Variants in ADPGK observed in about 807,000 individuals in gnomAD.
ADPGK encodes ADP dependent glucokinase.
ADPGK carries 26 observed loss-of-function variants against 42.4 expected under a neutral mutation model. The observed-to-expected ratio is 0.61, with a 90% CI of 0.45 to 0.85. ADPGK has a LOEUF of 0.85. Among genes scored for constraint, ADPGK ranks in the 40% least tolerant of loss-of-function variants. The pLI is 0.00. For missense variants in ADPGK, 571 were observed against 627.0 expected (o/e 0.91, Z 0.95); for synonymous variants, 267 against 252.6 (o/e 1.06, Z -0.54).
At chr15:72,760,640 T>C (rs2066180978) in intron 3 of ADPGK, 113 bp from the exon 4 acceptor site, 1 of 1,338,330 alleles carries the variant, frequency 7.5e-7, no homozygotes, top group Non-Finnish European at 9.8e-7. Context: ...CAACAAAATA[T>C]TGGAATCCAA....
chr15:72,764,428 A>T (rs1595795319), intron 3 of ADPGK, among the ~76,000 whole-genome samples: 1 of 152,362 alleles, frequency 6.6e-6, no homozygotes, highest in East Asian at 1.9e-4. Context: ...AATCCAGAGC[A>T]ATGTCCTAAC....
intron 1 of ADPGK, among the ~76,000 whole-genome samples, chr15:72,776,672 A>G (rs997447576): frequency 4.6e-5 from 7 of 152,312 alleles, no homozygotes; most frequent in East Asian, 1.9e-4. Context: ...TGCAGACTAG[A>G]TATTATTTAC....
chr15:72,761,801 C>T (rs1435819218), intron 3 of ADPGK, among the ~76,000 whole-genome samples: 1 of 151,762 alleles, frequency 6.6e-6, no homozygotes, highest in Non-Finnish European at 1.5e-5. Context: ...CAGGCTCAAG[C>T]GACCCTCCTG....
chr15:72,760,453 T>C lies in ADPGK; in HGVS notation c.597A>G (p.Ser199=), dbSNP rs2066177704. ...GGTGGAACTCATCCACTTCCTGCAA[T>C]GACTCTGGTGGAACAAAGACATTGT... ...LDDNVFVPPE[S]LQEVDEFHLI... Residue 199 remains serine, a synonymous_variant, in exon 4 of 7, where the codon TCA becomes TCG. Transcript: ENST00000456471. The C allele has an allele frequency of 6.2e-7, 1 of 1,610,844 alleles. No homozygotes were observed. Among genetic ancestry groups the C allele is most frequent in the Non-Finnish European group, 8.5e-7 (1 of 1,177,556 alleles).
intron 4 of ADPGK, 140 bp downstream of exon 4, chr15:72,760,267 A>G (rs775889795): frequency 5.5e-5 from 61 of 1,117,368 alleles, no homozygotes; most frequent in Non-Finnish European, 7.2e-5. Flanking sequence ...AGTAGAACCA[A>G]TAGGTCAGGA....
At position 72,760,542 on chromosome 15, in the gene ADPGK, C is replaced by A; in HGVS notation, c.523-15G>T. The stretch of plus-strand genomic sequence containing the variant: ...CAAAGAAGAACCTGGAGGCAAGCAA[C>A]ACGAAGTCCATCAGGAGCCCCGTTC... On this transcript the variant is annotated splice_polypyrimidine_tract_variant and intron_variant, in intron 3 of 6. Transcript: ENST00000456471. 6.3e-7 allele frequency: 1 copy of A among 1,592,558 alleles called. No individual in the cohort carries two copies. The highest frequency in any genetic ancestry group is 8.6e-7 in the Non-Finnish European group (1 of 1,163,482).
intron 3 of ADPGK, among the ~76,000 whole-genome samples, chr15:72,765,337 CG>C (rs2066245435): frequency 1.3e-5 from 2 of 151,988 alleles, no homozygotes; most frequent in Admixed American, 6.6e-5. Context: ...TTAGTAGAGA[CG>C]GGGTTTTAAC....
intron 1 of ADPGK, among the ~76,000 whole-genome samples, chr15:72,779,244 G>GTTTTT (rs35321622): frequency 2.1e-4 from 22 of 107,204 alleles, no homozygotes; most frequent in East Asian, 8.1e-4. Context: ...TAGCATGAGG[G>GTTTTT]TTTTTTTTTT....
intron 3 of ADPGK, among the ~76,000 whole-genome samples, chr15:72,770,193 T>C (rs753817139): frequency 5.3e-5 from 8 of 152,234 alleles, no homozygotes; most frequent in Non-Finnish European, 1.2e-4. Flanking sequence ...GCACCTTACT[T>C]AGCCTCTCTA....
At chr15:72,760,292 C>T in intron 4 of ADPGK, 115 bp downstream of exon 4, 1 of 1,350,744 alleles carries the variant, frequency 7.4e-7, no homozygotes, top group Non-Finnish European at 9.9e-7. Context: ...TTCAGTATGG[C>T]AAAAACAGGA....
At chr15:72,781,358 C>T (rs546123444) in intron 1 of ADPGK, among the ~76,000 whole-genome samples, 1 of 152,320 alleles carries the variant, frequency 6.6e-6, no homozygotes, top group East Asian at 1.9e-4. Flanking sequence ...CATCTCTTTA[C>T]AACCCTCTAC....
At chr15:72,768,499 T>C (rs1251081140) in intron 3 of ADPGK, among the ~76,000 whole-genome samples, 1 of 152,016 alleles carries the variant, frequency 6.6e-6, no homozygotes, top group East Asian at 1.9e-4. Flanking sequence ...AAACTCCCTC[T>C]CTACTAAAAA....
intron 1 of ADPGK, among the ~76,000 whole-genome samples, chr15:72,778,905 G>T (rs967438612): frequency 6.6e-6 from 1 of 152,102 alleles, no homozygotes; most frequent in Non-Finnish European, 1.5e-5. Flanking sequence ...CGCTAGGCAG[G>T]CATTTTCAGA....
chr15:72,772,004 CAGAAAT>C (rs912402882), intron 2 of ADPGK, among the ~76,000 whole-genome samples, 159 bp from the exon 3 acceptor site: 3 of 152,064 alleles, frequency 2.0e-5, no homozygotes, highest in Admixed American at 2.0e-4. Context: ...GAATGCAACA[CAGAAAT>C]AGAAAGTGAG....
At chr15:72,769,708 C>G (rs918526888) in intron 3 of ADPGK, among the ~76,000 whole-genome samples, 1 of 152,178 alleles carries the variant, frequency 6.6e-6, no homozygotes, top group African/African-American at 2.4e-5. Context: ...TTACTATATT[C>G]ACCAGCGTCT....
intron 1 of ADPGK, among the ~76,000 whole-genome samples, chr15:72,780,745 C>T (rs762382470): frequency 5.9e-5 from 9 of 152,240 alleles, no homozygotes; most frequent in Admixed American, 2.0e-4. Flanking sequence ...CCACTGCACA[C>T]GCCAGCCTGG....
At position 72,772,795 on chromosome 15, in the gene ADPGK, C is replaced by A. The variant is rs563316647; in HGVS notation, c.460-950G>T. Among the ~76,000 whole-genome samples the A allele has an allele frequency of 7.2e-5, 11 of 152,158 alleles. No individual in the cohort carries two copies. In the East Asian group the frequency reaches 1.2e-3, roughly 16 times the overall value. Reference sequence around the variant, plus strand: ...GCCCCTAATATAGGACAGTACTTTCCCTTAAACACCACATCTCTCAGCTGA... The same window carrying A: ...GCCCCTAATATAGGACAGTACTTTCACTTAAACACCACATCTCTCAGCTGA... On this transcript the variant is annotated intron_variant, in intron 2 of 6. Transcript: ENST00000456471.
intron 3 of ADPGK, among the ~76,000 whole-genome samples, chr15:72,771,008 T>A (rs1465325503): frequency 6.6e-6 from 1 of 152,238 alleles, no homozygotes; most frequent in African/African-American, 2.4e-5. Flanking sequence ...TCCATAATCA[T>A]CTTTGATAAA....
chr15:72,761,073 A>G (rs2066186600), intron 3 of ADPGK, among the ~76,000 whole-genome samples: 1 of 152,204 alleles, frequency 6.6e-6, no homozygotes, highest in African/African-American at 2.4e-5. Flanking sequence ...CCTGCAAGCC[A>G]GGAAGAGACT....
Sources: gnomAD v4.1 joint callset for allele counts (sites outside exome capture counted in the v4.1 genomes callset) on GRCh38, gnomAD v4.1.1 for gene constraint, MANE v1.5 for transcripts, NCBI Gene and HGNC (gene_info 2026-07-23, HGNC 2026-07-21) for gene names.